Variants in PASK observed in about 807,000 individuals in gnomAD.
The protein encoded by PASK is PAS domain-containing serine/threonine-protein kinase.
PASK carries 110 observed loss-of-function variants against 121.0 expected under a neutral mutation model. The observed-to-expected ratio is 0.91, with a 90% CI of 0.78 to 1.06. The LOEUF is 1.06. PASK is among the 50% of genes least tolerant of loss of function. PASK has a pLI of 0.00. For missense variants in PASK, 1,643 were observed against 1,702.3 expected (o/e 0.97, Z 0.61); for synonymous variants, 686 against 717.8 (o/e 0.96, Z 0.71).
At chr2:241,135,569 C>CA (rs565232332) in intron 8 of PASK, among the ~76,000 whole-genome samples, 311 of 152,180 alleles carry the variant, frequency 2.0e-3, no homozygotes, top group African/African-American at 6.8e-3. Context: ...TTAGAAAAGA[C>CA]AAGACGGTCA....
chr2:241,127,170 C>A lies in PASK; in HGVS notation c.1745G>T (p.Ser582Ile). The stretch of plus-strand genomic sequence containing the variant: ...AGCCCCAGCCCAAAGGTCTGAACCG[C>A]TGGGACCACTGACTCCCATCCGCTC... ...QLERMGVSGP[S>I]GSDLWAGAAV... is the part of the protein sequence containing the mutation. Residue 582 changes from serine to isoleucine, a missense_variant, in exon 10 of 18, where the codon AGC becomes ATC. Ser to Ile is a moderately radical substitution (Grantham distance 142). Around this residue, in one of 3 missense-constraint regions of PASK, gnomAD observed 1,176 missense variants for 1,162.2 expected, o/e 1.01. Coordinates refer to ENST00000234040, the MANE Select transcript of PASK (RefSeq NM_015148.4). 2.5e-6 allele frequency: 4 copies of A among 1,614,130 alleles called. No homozygotes were observed. The highest frequency in any genetic ancestry group is 1.3e-5 in the African/African-American group (1 of 75,072).
intron 9 of PASK, among the ~76,000 whole-genome samples, chr2:241,130,437 G>A (rs1377566168): frequency 6.6e-6 from 1 of 152,130 alleles, no homozygotes. Context: ...CGGGCCACGT[G>A]GCCTCTGTCC....
At position 241,143,011 on chromosome 2, in the gene PASK, CTGT is replaced by C. The variant is rs1320111376; in HGVS notation, c.19_21del (p.Thr7del). 2 of 1,613,984 alleles carry C rather than the reference CTGT, an allele frequency of 1.2e-6. No homozygotes were observed. Among genetic ancestry groups the C allele is most frequent in the East Asian group, 4.5e-5 (2 of 44,890 alleles). ...AGGCATCTCTGGTCCTCTTCAAAGG[CTGT>C]TAAGCCCCCGTCCTCCATGGGAAGA... On this transcript the variant is annotated inframe_deletion, in exon 2 of 18. Transcript: ENST00000234040.
In PASK at chr2:241,139,509, C is replaced by A. The variant is rs140086333; in HGVS notation, c.600+376G>T. ...ACACCCCCGCCCGCTCCCACAAACA[C>A]CAAACAGAATGTAAAAATCAATAGA... On this transcript the variant is annotated intron_variant, in intron 4 of 17. Transcript: ENST00000234040. 1,281 of 489,976 alleles carry A rather than the reference C, an allele frequency of 2.6e-3. 11 individuals are homozygous for A. Among genetic ancestry groups the A allele is most frequent in the African/African-American group, 0.023 (1,149 of 50,980 alleles). The allele number at this position is 489,976 out of a possible 1,614,324, so 30.4% of individuals were successfully genotyped here.
Position 241,106,592 on chromosome 2 carries a change from CG to C in PASK, c.3945del (p.Asp1317IlefsTer5), listed in dbSNP as rs780346610. 37 of 1,614,060 alleles carry C rather than the reference CG, an allele frequency of 2.3e-5. No individual in the cohort carries two copies. Among genetic ancestry groups the C allele is most frequent in the South Asian group, 3.3e-5 (3 of 91,092 alleles). On this transcript the variant is annotated frameshift_variant, in exon 18 of 18. Coordinates refer to ENST00000234040, the MANE Select transcript of PASK (RefSeq NM_015148.4). LOFTEE classifies it low-confidence loss of function (END_TRUNC). ...EAPNGQGCLH[P>X]GDPRLLTS Reference sequence around the variant, plus strand: ...TAGCTGGTCAGCAGACGGGGATCCCCGGGATGCAAACAGCCTTGGCCATTAG... The same window carrying C: ...TAGCTGGTCAGCAGACGGGGATCCCCGGATGCAAACAGCCTTGGCCATTAG...
At chr2:241,119,191 TGTA>T (rs1425456780) in intron 12 of PASK, among the ~76,000 whole-genome samples, 3 of 152,258 alleles carry the variant, frequency 2.0e-5, no homozygotes, top group Non-Finnish European at 4.4e-5. Flanking sequence ...ATTGTATCTC[TGTA>T]GTTTAAGGAG....
Position 241,107,452 on chromosome 2 carries a change from G to T in PASK, c.3715C>A (p.Arg1239Ser). 1 of 1,613,756 alleles carries T rather than the reference G, an allele frequency of 6.2e-7. No individual in the cohort carries two copies. Reference sequence around the variant, plus strand: ...GTCACCAGCTTCTCCAAGGTGGTGCGTCTCTCAGGGACTGGCTGCAGCAGC... The same window carrying T: ...GTCACCAGCTTCTCCAAGGTGGTGCTTCTCTCAGGGACTGGCTGCAGCAGC... ...SGLLQPVPER[R>S]TTLEKLVTDP... The change falls in exon 17 of 18, where the codon CGC (arginine) becomes AGC (serine). Residue 1239 changes from arginine (R) to serine (S), a missense_variant. Coordinates refer to ENST00000234040, the MANE Select transcript of PASK (RefSeq NM_015148.4).
intron 12 of PASK, among the ~76,000 whole-genome samples, chr2:241,121,202 G>A (rs75106111): frequency 0.011 from 1,715 of 152,308 alleles, 40 homozygotes; most frequent in African/African-American, 0.039. Context: ...GGGGTTATGC[G>A]ACTGACTACT....
chr2:241,131,934 G>A (rs372541529), intron 9 of PASK, among the ~76,000 whole-genome samples: 6 of 151,642 alleles, frequency 4.0e-5, no homozygotes, highest in African/African-American at 1.5e-4. Flanking sequence ...GGTGCCTGTA[G>A]TCTCAGCTAC....
chr2:241,138,759 T>C lies in PASK; in HGVS notation c.636A>G (p.Pro212=), dbSNP rs748732564. The change falls in exon 5 of 18, where the codon CCA becomes CCG. Residue 212 remains proline (P), a synonymous_variant. Transcript: ENST00000234040. ...DIISRSGEKI[P]VSVWMKRMRQ... is the part of the protein sequence containing the mutation. The stretch of plus-strand genomic sequence containing the variant: ...GCATCCTCTTCATCCACACAGACAC[T>C]GGAATCTTCTCCCCACTACGGCTGA... 10 of 1,614,062 alleles carry C rather than the reference T, an allele frequency of 6.2e-6. No homozygotes were observed. Among genetic ancestry groups the C allele is most frequent in the Non-Finnish European group, 8.5e-6 (10 of 1,179,966 alleles).
Position 241,140,160 on chromosome 2 carries a change from A to C in PASK, c.430-105T>G, listed in dbSNP as rs2125451660. 1.2e-5 allele frequency: 11 copies of C among 893,342 alleles called. 1 individual carries two copies. The South Asian group carries it at 1.6e-4, about 13-fold the overall frequency. 55.3% of individuals were successfully genotyped at this position (893,342 alleles called of 1,614,324 possible). A position where few individuals can be genotyped will look rare whatever the true frequency, so the allele number is the denominator to read the frequency against. On this transcript the variant is annotated intron_variant, in intron 3 of 17. Transcript: ENST00000234040. ...ATGCAGAAGCCAGCCTTTTCCTGAC[A>C]GACAGGGTCTCACTCTGTTGCCCAG...
At chr2:241,131,665 T>C (rs896626715) in intron 9 of PASK, among the ~76,000 whole-genome samples, 2 of 152,206 alleles carry the variant, frequency 1.3e-5, no homozygotes, top group African/African-American at 2.4e-5. Flanking sequence ...GGGGGCACAG[T>C]GCAGGAAGGG....
rs372843297 is a variant in PASK at position 241,138,604 on chromosome 2, C to T, written c.741+50G>A. On this transcript the variant is annotated intron_variant, in intron 5 of 17. Coordinates refer to ENST00000234040, the MANE Select transcript of PASK (RefSeq NM_015148.4). ...GACCAGCACTTGCTGAAGAGGAGAA[C>T]GACGCCGGCTCCAGCGTCCATGAGA... The T allele has an allele frequency of 1.1e-5, 17 of 1,605,462 alleles. No individual in the cohort carries two copies. In the African/African-American group the frequency reaches 1.3e-4, roughly 13 times the overall value.
At chr2:241,119,440 T>C (rs978185052) in intron 12 of PASK, among the ~76,000 whole-genome samples, 4 of 150,672 alleles carry the variant, frequency 2.7e-5, no homozygotes, top group African/African-American at 7.3e-5. Context: ...GCTGGGCATG[T>C]GGCTTCATGT....
chr2:241,131,650 G>A (rs1400850947), intron 9 of PASK, among the ~76,000 whole-genome samples: 3 of 152,308 alleles, frequency 2.0e-5, no homozygotes, highest in Non-Finnish European at 4.4e-5. Context: ...GGGCAGCAGG[G>A]TGTAGGGGGC....
intron 1 of PASK, among the ~76,000 whole-genome samples, chr2:241,149,034 G>A (rs985689969): frequency 1.3e-5 from 2 of 152,156 alleles, no homozygotes; most frequent in Non-Finnish European, 2.9e-5. Context: ...CAGGAGGCTG[G>A]CGGGATCCGG....
chr2:241,124,252 A>G (rs2065753980), intron 10 of PASK, 119 bp from the exon 11 acceptor site: 2 of 823,708 alleles, frequency 2.4e-6, no homozygotes. Context: ...GCTTTAAGTT[A>G]GAAAGTTCAA....
chr2:241,107,271 C>G (rs767588547), intron 17 of PASK, 82 bp downstream of exon 17: 14 of 1,269,648 alleles, frequency 1.1e-5, no homozygotes, highest in Admixed American at 6.7e-5. Flanking sequence ...CCTTTTCCTC[C>G]TTTTGACCTA....
At position 241,126,409 on chromosome 2, in the gene PASK, A is replaced by G; in HGVS notation, c.2506T>C (p.Tyr836His). 1.2e-6 allele frequency: 2 copies of G among 1,614,208 alleles called. No individual in the cohort carries two copies. Among genetic ancestry groups the G allele is most frequent in the Non-Finnish European group, 1.7e-6 (2 of 1,180,036 alleles). The change falls in exon 10 of 18, where the codon TAT becomes CAT. Residue 836 changes from tyrosine to histidine, a missense_variant. Physicochemically the swap from Tyr to His is moderately conservative, Grantham distance 83 (BLOSUM62 2). Coordinates refer to ENST00000234040, the MANE Select transcript of PASK (RefSeq NM_015148.4). The stretch of plus-strand genomic sequence containing the variant: ...GGGCTTTCTCTGTCGCTTGCTGCAT[A>G]ATGCTCAGAGGACACCAAACAAACC... ...LEVCLVSSEHYAASDRESPGH... is the reference protein window; with the variant it reads ...LEVCLVSSEHHAASDRESPGH...
Sources: gnomAD v4.1 joint callset for allele counts (sites outside exome capture counted in the v4.1 genomes callset) on GRCh38, gnomAD v4.1.1 for gene constraint, gnomAD v4.1.1 regional missense constraint, MANE v1.5 for transcripts, NCBI Gene and HGNC (gene_info 2026-07-23, HGNC 2026-07-21) for gene names.